MYO5A: variants seen among roughly 807,000 people sequenced by gnomAD.
The protein encoded by MYO5A is unconventional myosin-Va.
A neutral mutation model predicts 249.7 loss-of-function variants in MYO5A; 98 were observed. That is an observed-to-expected ratio of 0.39 (90% confidence interval 0.33 to 0.46). MYO5A has a LOEUF of 0.46. MYO5A is among the 20% of genes least tolerant of loss of function. The probability of loss-of-function intolerance (pLI) is 0.98; values close to 1 mark genes in which losing one functional copy is unlikely to be tolerated. For missense variants in MYO5A, 1,696 were observed against 2,308.8 expected, an observed-to-expected ratio of 0.73 and a Z score of 5.44; for synonymous variants, 778 against 810.6, an observed-to-expected ratio of 0.96 and a Z score of 0.68.
Position 52,319,348 on chromosome 15 carries a change from G to A in MYO5A, c.4952-6C>T, listed in dbSNP as rs201908885. 1.2e-3 allele frequency: 1,874 copies of A among 1,613,840 alleles called. 1 individual carries two copies. The highest frequency in any genetic ancestry group is 1.5e-3 in the Non-Finnish European group (1,729 of 1,179,806). On this transcript the variant is annotated splice_region_variant and splice_polypyrimidine_tract_variant and intron_variant, in intron 38 of 41. Coordinates refer to ENST00000399233, the MANE Select transcript of MYO5A (RefSeq NM_001382347.1). ...ATGTTCCAGCATGCCTGAGACTGCA[G>A]GAGTATTTCAATTGTTAGAGGAGAT... is the stretch of plus-strand genomic sequence containing the variant.
intron 1 of MYO5A, among the ~76,000 whole-genome samples, chr15:52,454,337 C>G (rs189194436): frequency 6.6e-6 from 1 of 152,152 alleles, no homozygotes; most frequent in Non-Finnish European, 1.5e-5. Flanking sequence ...TATCTATGCA[C>G]CCAACACCAA....
At chr15:52,416,695 A>G (rs2043511759) in intron 4 of MYO5A, among the ~76,000 whole-genome samples, 1 of 152,224 alleles carries the variant, frequency 6.6e-6, no homozygotes, top group Non-Finnish European at 1.5e-5. Flanking sequence ...CAGTTATTCA[A>G]TTAATTGAGA....
At chr15:52,410,749 T>C (rs2141236566) in intron 5 of MYO5A, among the ~76,000 whole-genome samples, 1 of 152,196 alleles carries the variant, frequency 6.6e-6, no homozygotes, top group South Asian at 2.1e-4. Flanking sequence ...AGCTAATTTT[T>C]GTATTTTTAG....
rs2039946379 is a variant in MYO5A, at chr15:52,351,418, G to A, written c.3685C>T (p.Leu1229Phe). The change falls in exon 28 of 42, where the codon CTC becomes TTC. Residue 1229 changes from leucine (L) to phenylalanine (F), a missense_variant. Coordinates refer to ENST00000399233, the MANE Select transcript of MYO5A (RefSeq NM_001382347.1). Reference sequence around the variant, plus strand: ...ACCTCTGGGGCACTTTTCTCACTGAGGGCCTTGCGCAACTCATTTAGCTCA... The same window carrying A: ...ACCTCTGGGGCACTTTTCTCACTGAAGGCCTTGCGCAACTCATTTAGCTCA... ...KNELNELRKA[L>F]SEKSAPEVTA... 2 of 1,614,168 alleles carry A rather than the reference G, an allele frequency of 1.2e-6. No individual in the cohort carries two copies. Among genetic ancestry groups the A allele is most frequent in the Middle Eastern group, 1.6e-4 (1 of 6,062 alleles).
chr15:52,522,202 A>G (rs1440846188), intron 1 of MYO5A, among the ~76,000 whole-genome samples: 1 of 152,218 alleles, frequency 6.6e-6, no homozygotes, highest in East Asian at 1.9e-4. Flanking sequence ...TGGGGAAGAT[A>G]AGAGACAAAG....
intron 1 of MYO5A, among the ~76,000 whole-genome samples, chr15:52,506,526 C>CAAA (rs35101614): frequency 8.5e-6 from 1 of 118,298 alleles, no homozygotes; most frequent in African/African-American, 3.2e-5. Context: ...GACCCTTTCT[C>CAAA]AAAAAAAAAA....
At chr15:52,452,835 G>A (rs1483615591) in intron 1 of MYO5A, among the ~76,000 whole-genome samples, 1 of 146,086 alleles carries the variant, frequency 6.8e-6, no homozygotes, top group Non-Finnish European at 1.5e-5. Flanking sequence ...GCAACAAAGT[G>A]AGACTCCATG....
At chr15:52,387,654 A>G (rs1406088124) in intron 14 of MYO5A, 175 bp downstream of exon 14, 6 of 580,036 alleles carry the variant, frequency 1.0e-5, no homozygotes, top group African/African-American at 9.4e-5. Flanking sequence ...AGCATTTTCA[A>G]TACATTTAGA....
chr15:52,489,062 A>C (rs1170495506), intron 1 of MYO5A, among the ~76,000 whole-genome samples: 1 of 152,188 alleles, frequency 6.6e-6, no homozygotes, highest in Non-Finnish European at 1.5e-5. Flanking sequence ...TAAAAGTAAA[A>C]CTGCAGAGAA....
intron 36 of MYO5A, 129 bp from the exon 37 acceptor site, chr15:52,323,573 T>A (rs1299662955): frequency 4.2e-6 from 3 of 710,520 alleles, no homozygotes; most frequent in Non-Finnish European, 7.4e-6. Context: ...ATAAATCACA[T>A]TACAGTTGTG....
At chr15:52,432,271 C>T (rs1397642450) in intron 2 of MYO5A, among the ~76,000 whole-genome samples, 1 of 152,154 alleles carries the variant, frequency 6.6e-6, no homozygotes, top group Non-Finnish European at 1.5e-5. Context: ...GAACACTGGG[C>T]AAATATTAGC....
intron 12 of MYO5A, among the ~76,000 whole-genome samples, chr15:52,390,145 G>A (rs2042154719): frequency 6.6e-6 from 1 of 152,174 alleles, no homozygotes; most frequent in Non-Finnish European, 1.5e-5. Flanking sequence ...GCTAGGAAGG[G>A]TAGCAGGAGG....
chr15:52,434,008 T>C (rs1382911281), intron 1 of MYO5A, among the ~76,000 whole-genome samples: 1 of 149,948 alleles, frequency 6.7e-6, no homozygotes, highest in Non-Finnish European at 1.5e-5. Context: ...TCTTTTTTTT[T>C]TTTTTTTTTG....
At chr15:52,424,297 A>T (rs963599515) in intron 4 of MYO5A, among the ~76,000 whole-genome samples, 5 of 152,210 alleles carry the variant, frequency 3.3e-5, no homozygotes, top group Non-Finnish European at 7.3e-5. Flanking sequence ...TTTATATTTA[A>T]TACATTAATA....
intron 1 of MYO5A, among the ~76,000 whole-genome samples, chr15:52,492,753 G>T (rs2076959357): frequency 6.6e-6 from 1 of 152,180 alleles, no homozygotes; most frequent in South Asian, 2.1e-4. Flanking sequence ...TCTGGGACTT[G>T]CTTCAAAATA....
At position 52,379,848 on chromosome 15, in the gene MYO5A, T is replaced by G; in HGVS notation, c.2073A>C (p.Arg691=). The change falls in exon 17 of 42, where the codon CGA becomes CGC. Residue 691 remains arginine, a synonymous_variant. Coordinates refer to ENST00000399233, the MANE Select transcript of MYO5A (RefSeq NM_001382347.1). ...GTGAGGGGAAACCGGCCGCACTGAT[T>G]CGGATGGTTTCCAGGACACCACATG... ...LRACGVLETI[R]ISAAGFPSRW... 6.2e-7 allele frequency: 1 copy of G among 1,614,122 alleles called. No individual in the cohort carries two copies. Among genetic ancestry groups the G allele is most frequent in the Non-Finnish European group, 8.5e-7 (1 of 1,180,008 alleles).
rs2038307506 is a variant in MYO5A at position 52,321,465 on chromosome 15, G to A, written c.4845C>T (p.Leu1615=). 6.2e-6 allele frequency: 10 copies of A among 1,614,252 alleles called. No individual in the cohort carries two copies. Among genetic ancestry groups the A allele is most frequent in the Non-Finnish European group, 8.5e-6 (10 of 1,180,056 alleles). Residue 1615 remains leucine (L), a synonymous_variant, in exon 38 of 42, where the codon CTC becomes CTT. Coordinates refer to ENST00000399233, the MANE Select transcript of MYO5A (RefSeq NM_001382347.1). ...GATACTCAGCCAGGTCAAAATTGGT[G>A]AGGCAGTGTTCATTCTGGCGAGATG... is the stretch of plus-strand genomic sequence containing the variant. The part of the protein sequence containing the change: ...HNTSRQNEHC[L]TNFDLAEYRQ...
chr15:52,507,533 A>G (rs2077298329), intron 1 of MYO5A, among the ~76,000 whole-genome samples: 1 of 152,152 alleles, frequency 6.6e-6, no homozygotes, highest in South Asian at 2.1e-4. Flanking sequence ...AGAGTGTGAT[A>G]AGGGCCTGGT....
chr15:52,354,581 C>A (rs2040116569), intron 25 of MYO5A, among the ~76,000 whole-genome samples: 1 of 152,168 alleles, frequency 6.6e-6, no homozygotes, highest in African/African-American at 2.4e-5. Context: ...GTAGGCCGGG[C>A]ACGGTGGCTC....
Sources: allele counts gnomAD v4.1 joint callset (sites outside exome capture counted in the v4.1 genomes callset), GRCh38; gene constraint gnomAD v4.1.1; transcripts MANE v1.5; gene names NCBI Gene and HGNC (gene_info 2026-07-23, HGNC 2026-07-21).